HOMER2: variants seen among roughly 807,000 people sequenced by gnomAD.
HOMER2 encodes the protein homer protein homolog 2.
A neutral mutation model predicts 47.0 loss-of-function variants in HOMER2; 27 were observed. The observed-to-expected ratio is 0.57, with a 90% CI of 0.42 to 0.79. The LOEUF (loss-of-function observed/expected upper bound fraction) is 0.79. Among genes scored for constraint, HOMER2 ranks in the 30% least tolerant of loss-of-function variants. The pLI, the probability that HOMER2 is intolerant of heterozygous loss-of-function variation, is 0.00. For missense variants in HOMER2, 443 were observed against 435.0 expected, an observed-to-expected ratio of 1.02 and a Z score of -0.16; for synonymous variants, 161 against 163.8, an observed-to-expected ratio of 0.98 and a Z score of 0.13.
intron 1 of HOMER2, among the ~76,000 whole-genome samples, chr15:82,901,972 CATGG>C (rs1165160242): frequency 6.6e-6 from 1 of 152,186 alleles, no homozygotes; most frequent in Non-Finnish European, 1.5e-5. Flanking sequence ...GCAGCCACTG[CATGG>C]ATGGTTACTT....
At chr15:82,936,030 G>A (rs912143306) in intron 1 of HOMER2, among the ~76,000 whole-genome samples, 1 of 152,094 alleles carries the variant, frequency 6.6e-6, no homozygotes, top group Non-Finnish European at 1.5e-5. Context: ...GCTCAATTTC[G>A]TCCTCGCATA....
rs569642708 is a variant in HOMER2 at position 82,856,402 on chromosome 15, G to A, written c.495-1602C>T. On this transcript the variant is annotated intron_variant, in intron 5 of 8. Transcript: ENST00000450735. ...CCAAGAAGGGAGGATAACTTGATAA[G>A]CCCAGGAGTTTGGGACCAGCCTGGG... Among the ~76,000 whole-genome samples the A allele has an allele frequency of 2.2e-3, 337 of 152,172 alleles. 2 individuals are homozygous for A. Among genetic ancestry groups the A allele is most frequent in the Non-Finnish European group, 4.2e-3 (288 of 68,000 alleles).
intron 1 of HOMER2, among the ~76,000 whole-genome samples, chr15:82,961,335 G>A (rs148185703): frequency 8.5e-4 from 130 of 152,334 alleles, no homozygotes; most frequent in Non-Finnish European, 1.7e-3. Flanking sequence ...CCGTGCGCAG[G>A]TTGGGGGGTA....
exon 2 of HOMER2, chr15:82,838,721 AG>A (rs1349568603): frequency 1.3e-5 from 2 of 152,240 alleles, no homozygotes; most frequent in African/African-American, 4.8e-5. Flanking sequence ...AGAACTGTAA[AG>A]GACTCTCCTC....
exon 2 of HOMER2, chr15:82,837,922 G>A (rs1470830605): frequency 6.6e-6 from 1 of 152,284 alleles, no homozygotes; most frequent in African/African-American, 2.4e-5. Flanking sequence ...AAGGACGATG[G>A]AAGAGGCACA....
At chr15:82,870,857 G>A (rs1256443) in intron 3 of HOMER2, among the ~76,000 whole-genome samples, 63,320 of 152,050 alleles carry the variant, frequency 0.42, 13,725 homozygotes, top group East Asian at 0.61. Flanking sequence ...CACTGGCAAC[G>A]CCATCCTGGG....
At chr15:82,927,973 CAAAAA>C (rs928406358) in intron 1 of HOMER2, among the ~76,000 whole-genome samples, 3 of 57,328 alleles carry the variant, frequency 5.2e-5, no homozygotes, top group Non-Finnish European at 1.3e-4. Context: ...AACTCCGTCT[CAAAAA>C]AAAAAAAAAA....
At position 82,888,906 on chromosome 15, in the gene HOMER2, C is replaced by G. The variant is rs1175282621; in HGVS notation, c.162+3779G>C. Among the ~76,000 whole-genome samples the G allele has an allele frequency of 1.4e-4, 4 of 28,290 alleles. 1 individual carries two copies. Among genetic ancestry groups the G allele is most frequent in the Non-Finnish European group, 2.7e-4 (4 of 14,814 alleles). The allele number at this position is 28,290 out of a possible 152,430, so 18.6% of individuals were successfully genotyped here. A position where few individuals can be genotyped will look rare whatever the true frequency, so the allele number is the denominator to read the frequency against. Reference sequence around the variant, plus strand: ...ACCGGAGCTGTTCCTATTCGGCCATCTTGGCTCCTCCCCACCAGCCACTTC... The same window carrying G: ...ACCGGAGCTGTTCCTATTCGGCCATGTTGGCTCCTCCCCACCAGCCACTTC... On this transcript the variant is annotated intron_variant, in intron 2 of 8. Coordinates refer to ENST00000450735, the MANE Select transcript of HOMER2 (RefSeq NM_004839.4).
intron 1 of HOMER2, chr15:82,898,257 G>C (rs964424810): frequency 6.6e-5 from 10 of 152,196 alleles, no homozygotes; most frequent in Non-Finnish European, 1.3e-4. Context: ...CTAGAAGTAG[G>C]ACATAGAAGT....
intron 1 of HOMER2, among the ~76,000 whole-genome samples, chr15:82,948,390 CA>C (rs71156062): frequency 0.18 from 11,238 of 62,440 alleles, 370 homozygotes; most frequent in Middle Eastern, 0.34. Flanking sequence ...GACTCCATCT[CA>C]AAAAAAAAAA....
At chr15:82,838,492 A>C (rs2051147452) in exon 2 of HOMER2, 1 of 152,442 alleles carries the variant, frequency 6.6e-6, no homozygotes, top group African/African-American at 2.4e-5. Flanking sequence ...TTCAAGTTAA[A>C]TGAAGTCATT....
intron 5 of HOMER2, 45 bp from the exon 6 acceptor site, chr15:82,854,845 C>T (rs778992146): frequency 2.3e-5 from 37 of 1,577,798 alleles, no homozygotes; most frequent in Admixed American, 8.4e-5. Flanking sequence ...GGTGCTGTCC[C>T]GTCTGGCTCC....
At chr15:82,896,734 C>T (rs1459595166) in intron 1 of HOMER2, among the ~76,000 whole-genome samples, 1 of 152,244 alleles carries the variant, frequency 6.6e-6, no homozygotes, top group South Asian at 2.1e-4. Context: ...GAGGATTGCA[C>T]GGCCAGTCTG....
At chr15:82,937,856 C>T (rs1446048000) in intron 1 of HOMER2, among the ~76,000 whole-genome samples, 3 of 152,154 alleles carry the variant, frequency 2.0e-5, no homozygotes, top group African/African-American at 4.8e-5. Context: ...GTTCTTACTC[C>T]CTGGTTGCTT....
At chr15:82,955,138 TA>T (rs1340365328), upstream of HOMER2, among the ~76,000 whole-genome samples, 7 of 151,676 alleles carry the variant, frequency 4.6e-5, no homozygotes, top group Admixed American at 2.0e-4. Flanking sequence ...TCAAAACCTA[TA>T]ATCTACGTAT....
At chr15:82,903,706 G>T (rs1200672287) in intron 1 of HOMER2, among the ~76,000 whole-genome samples, 1 of 152,122 alleles carries the variant, frequency 6.6e-6, no homozygotes, top group Non-Finnish European at 1.5e-5. Context: ...GTAAAAAGCT[G>T]AACAAGACTG....
chr15:82,892,946 G>A (rs2052765896), intron 1 of HOMER2, 105 bp from the exon 2 acceptor site: 1 of 852,224 alleles, frequency 1.2e-6, no homozygotes. Flanking sequence ...TAGCTTATAG[G>A]GAAACATACA....
chr15:82,872,202 G>C (rs2052199113), intron 3 of HOMER2, among the ~76,000 whole-genome samples: 1 of 152,138 alleles, frequency 6.6e-6, no homozygotes, highest in Admixed American at 6.6e-5. Flanking sequence ...CCCTCAGACA[G>C]AGGTTCCAGC....
intron 1 of HOMER2, among the ~76,000 whole-genome samples, chr15:82,969,456 C>T (rs1271487864): frequency 6.6e-6 from 1 of 152,186 alleles, no homozygotes; most frequent in Non-Finnish European, 1.5e-5. Context: ...GCCTAGACAT[C>T]ACTTCTGTTC....
Sources: allele counts gnomAD v4.1 joint callset (sites outside exome capture counted in the v4.1 genomes callset), GRCh38; gene constraint gnomAD v4.1.1; transcripts MANE v1.5; gene names NCBI Gene and HGNC (gene_info 2026-07-23, HGNC 2026-07-21).